Variants in CENPF observed in about 807,000 individuals in gnomAD.
CENPF encodes AH antigen.
A neutral mutation model predicts 307.3 loss-of-function variants in CENPF; 214 were observed. The observed-to-expected ratio is 0.70, with a 90% CI of 0.62 to 0.78. The LOEUF is 0.78. Ranked by LOEUF, CENPF falls within the 30% of genes least tolerant of loss-of-function variation. The pLI is 0.00. For missense variants in CENPF, 3,401 were observed against 3,483.9 expected (o/e 0.98, Z 0.60); for synonymous variants, 1,259 against 1,270.6 (o/e 0.99, Z 0.19).
Position 214,641,700 on chromosome 1 carries a change from C to G in CENPF, c.3362C>G (p.Ser1121Cys). ...RSEMTDNQNNSKSEAGGLKQE... is the reference protein window; with the variant it reads ...RSEMTDNQNNCKSEAGGLKQE... ...GAGATGACAGATAACCAAAACAATT[C>G]TAAGAGCGAGGCTGGTGGTTTAAAG... Residue 1121 changes from serine to cysteine, a missense_variant, in exon 12 of 20, where the codon TCT becomes TGT. By Grantham distance (112) the Ser-to-Cys change is moderately radical. Transcript: ENST00000366955. 1 of 1,579,910 alleles carries G rather than the reference C, an allele frequency of 6.3e-7. No homozygotes were observed. Among genetic ancestry groups the G allele is most frequent in the Non-Finnish European group, 8.6e-7 (1 of 1,166,312 alleles).
chr1:214,627,521 A>G (rs1445849365), intron 7 of CENPF, among the ~76,000 whole-genome samples: 5 of 151,804 alleles, frequency 3.3e-5, no homozygotes, highest in African/African-American at 1.2e-4. Context: ...TTACAGGCGC[A>G]TGCCACCATG....
At chr1:214,643,805 A>G (rs548202595) in intron 12 of CENPF, among the ~76,000 whole-genome samples, 3 of 152,328 alleles carry the variant, frequency 2.0e-5, no homozygotes, top group Non-Finnish European at 2.9e-5. Flanking sequence ...CTCTCTAACA[A>G]TTTACTGTGG....
intron 7 of CENPF, among the ~76,000 whole-genome samples, chr1:214,628,211 T>C (rs1164459743): frequency 1.3e-5 from 2 of 152,224 alleles, no homozygotes; most frequent in African/African-American, 4.8e-5. Flanking sequence ...AGAATGTTGT[T>C]TAAAATTTTT....
intron 7 of CENPF, 64 bp downstream of exon 7, chr1:214,622,345 GTATTT>G (rs1334429429): frequency 1.6e-6 from 2 of 1,279,708 alleles, no homozygotes; most frequent in African/African-American, 3.0e-5. Context: ...TTTAGAAAGA[GTATTT>G]TATACATAAG....
intron 9 of CENPF, among the ~76,000 whole-genome samples, chr1:214,631,808 A>G (rs1233861625): frequency 6.6e-6 from 1 of 152,190 alleles, no homozygotes; most frequent in Non-Finnish European, 1.5e-5. Context: ...GCAGCATCCT[A>G]ACATTTGACA....
chr1:214,663,956 G>T lies in CENPF; in HGVS notation c.*162G>T. 1 of 615,132 alleles carries T rather than the reference G, an allele frequency of 1.6e-6. No individual in the cohort carries two copies. Among genetic ancestry groups the T allele is most frequent in the Non-Finnish European group, 2.8e-6 (1 of 360,270 alleles). 38.1% of individuals were successfully genotyped at this position (615,132 alleles called of 1,614,324 possible). A position where few individuals can be genotyped will look rare whatever the true frequency, so the allele number is the denominator to read the frequency against. ...GTACTCTTTAGATCTCCCATGTGTA[G>T]GTATTGAAAAAGTTTGGAAGCACTG... On this transcript the variant is annotated 3_prime_UTR_variant, in exon 20 of 20. Transcript: ENST00000366955.
chr1:214,605,928 T>C, intron 1 of CENPF: 2 of 1,597,352 alleles, frequency 1.3e-6, no homozygotes, highest in South Asian at 2.2e-5. Flanking sequence ...CAGTAGGTCT[T>C]CTTGGTGTCG....
At chr1:214,623,819 A>G (rs1266245522) in intron 7 of CENPF, among the ~76,000 whole-genome samples, 1 of 152,162 alleles carries the variant, frequency 6.6e-6, no homozygotes, top group Non-Finnish European at 1.5e-5. Context: ...GGAGGCAGAA[A>G]ATAACAAAAA....
chr1:214,652,041 C>T (rs994513537), intron 15 of CENPF, among the ~76,000 whole-genome samples, 155 bp downstream of exon 15: 4 of 151,044 alleles, frequency 2.6e-5, no homozygotes, highest in African/African-American at 9.7e-5. Flanking sequence ...ATCTTTTCCC[C>T]AGGTCCCTCT....
chr1:214,620,616 A>C, intron 5 of CENPF, 39 bp from the exon 6 acceptor site: 1 of 1,555,554 alleles, frequency 6.4e-7, no homozygotes, highest in Non-Finnish European at 8.7e-7. Context: ...TGAGTATATA[A>C]GATCTTTAAA....
Position 214,649,818 on chromosome 1 carries a change from A to G in CENPF, c.7983+991A>G, listed in dbSNP as rs548236864. Among the ~76,000 whole-genome samples, 26 of 152,278 alleles carry G rather than the reference A, an allele frequency of 1.7e-4. No homozygotes were observed. In the South Asian group the frequency reaches 4.6e-3, roughly 27 times the overall value. On this transcript the variant is annotated intron_variant, in intron 14 of 19. Transcript: ENST00000366955. ...TATTTTATGTATGGGCACTACTGAG[A>G]GGAGTAGTTTGGCCTCAGCCCCATA...
intron 7 of CENPF, among the ~76,000 whole-genome samples, chr1:214,624,550 C>T (rs1657601010): frequency 6.6e-6 from 1 of 152,034 alleles, no homozygotes; most frequent in Non-Finnish European, 1.5e-5. Context: ...TAGAGTTATT[C>T]ACTGCATTCT....
At chr1:214,655,751 C>T (rs1273133138) in intron 17 of CENPF, among the ~76,000 whole-genome samples, 1 of 151,998 alleles carries the variant, frequency 6.6e-6, no homozygotes, top group African/African-American at 2.4e-5. Context: ...CCACCACACC[C>T]GACTAATTTT....
In CENPF at chr1:214,652,952, C is replaced by G. The variant is rs762299326; in HGVS notation, c.8285C>G (p.Ala2762Gly). The G allele has an allele frequency of 2.5e-6, 4 of 1,604,740 alleles. No individual in the cohort carries two copies. The highest frequency in any genetic ancestry group is 3.4e-6 in the Non-Finnish European group (4 of 1,177,414). Residue 2762 changes from alanine to glycine, a missense_variant, in exon 16 of 20, where the codon GCT becomes GGT. Coordinates refer to ENST00000366955, the MANE Select transcript of CENPF (RefSeq NM_016343.4). ...GAAGAGCTCAATAATTCATTGAAAG[C>G]TACTACTCAGATTTTGGAAGAATTG... ...SKEELNNSLK[A>G]TTQILEELKK...
At chr1:214,616,322 A>C (rs1229716973) in intron 3 of CENPF, among the ~76,000 whole-genome samples, 1 of 152,258 alleles carries the variant, frequency 6.6e-6, no homozygotes, top group Non-Finnish European at 1.5e-5. Context: ...AGTGGAAAAG[A>C]AACACTGGTT....
intron 1 of CENPF, among the ~76,000 whole-genome samples, chr1:214,609,558 G>C (rs944456811): frequency 1.3e-5 from 2 of 152,152 alleles, no homozygotes; most frequent in Non-Finnish European, 2.9e-5. Context: ...TATTTCACCT[G>C]AAAACCTTAT....
chr1:214,659,118 A>G lies in CENPF; in HGVS notation c.9141+90A>G. The G allele has an allele frequency of 7.2e-7, 1 of 1,394,844 alleles. No homozygotes were observed. The highest frequency in any genetic ancestry group is 9.9e-7 in the Non-Finnish European group (1 of 1,015,128). 86.4% of individuals were successfully genotyped at this position (1,394,844 alleles called of 1,614,324 possible). ...GGATTGGACACTGCACCCCCGATTCAGGAGCGCTTTCAAAAAGTCTGACCT... is the reference window on the plus strand; with the variant it reads ...GGATTGGACACTGCACCCCCGATTCGGGAGCGCTTTCAAAAAGTCTGACCT... On this transcript the variant is annotated intron_variant, in intron 19 of 19. Transcript: ENST00000366955. This position sits in a 1 kb window ranked among gnomAD's most constrained non-coding sequence, Gnocchi z 4.4.
At chr1:214,632,113 A>C (rs114807870) in intron 9 of CENPF, among the ~76,000 whole-genome samples, 2,728 of 152,208 alleles carry the variant, frequency 0.018, 85 homozygotes, top group African/African-American at 0.061. Flanking sequence ...TTACAGATAT[A>C]CTGTCTTTTA....
At chr1:214,625,076 A>G (rs1458937683) in intron 7 of CENPF, among the ~76,000 whole-genome samples, 2 of 152,018 alleles carry the variant, frequency 1.3e-5, no homozygotes, top group African/African-American at 2.4e-5. Context: ...GTCTGTTATT[A>G]ATATAGCCAC....
Sources: allele counts gnomAD v4.1 joint callset (sites outside exome capture counted in the v4.1 genomes callset), GRCh38; gene constraint gnomAD v4.1.1; non-coding constraint Gnocchi (gnomAD v3.1); transcripts MANE v1.5; gene names NCBI Gene and HGNC (gene_info 2026-07-23, HGNC 2026-07-21).